WARS2: variants seen among roughly 807,000 people sequenced by gnomAD.
The protein encoded by WARS2 is tryptophan--tRNA ligase, mitochondrial.
WARS2 carries 28 observed loss-of-function variants against 36.5 expected under a neutral mutation model. The observed-to-expected ratio is 0.77, with a 90% confidence interval of 0.57 to 1.05. WARS2 has a LOEUF of 1.05. Ranked by LOEUF, WARS2 falls within the 50% of genes least tolerant of loss-of-function variation. The probability of loss-of-function intolerance (pLI) is 0.00; values close to 1 mark genes in which losing one functional copy is unlikely to be tolerated. For synonymous variants in WARS2, 174 were observed against 178.4 expected, an observed-to-expected ratio of 0.98 and a Z score of 0.20; for missense variants, 435 against 456.8, an observed-to-expected ratio of 0.95 and a Z score of 0.44.
At chr1:119,048,074 G>A (rs1210811892) in intron 2 of WARS2, among the ~76,000 whole-genome samples, 3 of 152,384 alleles carry the variant, frequency 2.0e-5, no homozygotes, top group Non-Finnish European at 2.9e-5. Flanking sequence ...GGACCATTAG[G>A]TTTGGCAACA....
At chr1:119,093,297 T>C (rs936327829) in intron 1 of WARS2, among the ~76,000 whole-genome samples, 1 of 152,000 alleles carries the variant, frequency 6.6e-6, no homozygotes, top group Non-Finnish European at 1.5e-5. Flanking sequence ...CTTTAGGATC[T>C]ATAATTTAAA....
intron 2 of WARS2, among the ~76,000 whole-genome samples, chr1:119,049,598 G>C (rs1432863209): frequency 6.6e-6 from 1 of 152,168 alleles, no homozygotes; most frequent in African/African-American, 2.4e-5. Context: ...ATATCTAACA[G>C]GTTCTCAAGC....
intron 1 of WARS2, among the ~76,000 whole-genome samples, chr1:119,079,879 C>T (rs1185883079): frequency 1.3e-5 from 2 of 152,094 alleles, no homozygotes; most frequent in Non-Finnish European, 2.9e-5. Flanking sequence ...CACTCAAAAT[C>T]ACAAACACAC....
chr1:119,036,805 G>C (rs1278314278), intron 4 of WARS2, among the ~76,000 whole-genome samples: 2 of 152,116 alleles, frequency 1.3e-5, no homozygotes, highest in Non-Finnish European at 1.5e-5. Flanking sequence ...AAACAAAAAG[G>C]ATTTAAAAAA....
intron 1 of WARS2, among the ~76,000 whole-genome samples, chr1:119,111,501 T>G (rs1311979329): frequency 6.6e-6 from 1 of 152,154 alleles, no homozygotes; most frequent in Non-Finnish European, 1.5e-5. Context: ...TCTGGTAAAA[T>G]AGTTTCCTCT....
intron 1 of WARS2, among the ~76,000 whole-genome samples, chr1:119,136,461 A>G (rs960546293): frequency 1.3e-5 from 2 of 152,230 alleles, no homozygotes; most frequent in African/African-American, 2.4e-5. Flanking sequence ...CTTTAAACAA[A>G]TAAGACTCAC....
chr1:119,035,311 T>C (rs1466306336), intron 4 of WARS2, among the ~76,000 whole-genome samples: 2 of 152,126 alleles, frequency 1.3e-5, no homozygotes, highest in African/African-American at 2.4e-5. Context: ...TGAGGTTTTT[T>C]TAATCAAAGA....
chr1:119,046,283 C>CA (rs1648814219), intron 2 of WARS2, among the ~76,000 whole-genome samples: 1 of 62,274 alleles, frequency 1.6e-5, no homozygotes, highest in South Asian at 6.2e-4. Flanking sequence ...TCCTCCTTTT[C>CA]TGTTTTTTTT....
chr1:119,116,948 G>A (rs1655012284), intron 1 of WARS2, among the ~76,000 whole-genome samples: 1 of 152,190 alleles, frequency 6.6e-6, no homozygotes, highest in Non-Finnish European at 1.5e-5. Flanking sequence ...AAACACAGAA[G>A]TCACAGCCAA....
chr1:119,041,456 G>A (rs1648360534), intron 4 of WARS2, among the ~76,000 whole-genome samples: 1 of 152,182 alleles, frequency 6.6e-6, no homozygotes, highest in Non-Finnish European at 1.5e-5. Flanking sequence ...AGTGGCAGCA[G>A]TAGCTGACTG....
chr1:119,122,897 G>A (rs1655417236), intron 1 of WARS2, among the ~76,000 whole-genome samples: 1 of 152,062 alleles, frequency 6.6e-6, no homozygotes, highest in Non-Finnish European at 1.5e-5. Context: ...TGGGTGTGAG[G>A]CGGGTGATGG....
chr1:119,132,254 T>G (rs1391132774), intron 1 of WARS2, among the ~76,000 whole-genome samples: 2 of 152,146 alleles, frequency 1.3e-5, no homozygotes, highest in Non-Finnish European at 2.9e-5. Context: ...TTCCTCTTAA[T>G]GAAGAGCCAG....
At chr1:119,095,148 A>G (rs1214171165) in intron 1 of WARS2, among the ~76,000 whole-genome samples, 1 of 152,170 alleles carries the variant, frequency 6.6e-6, no homozygotes, top group Non-Finnish European at 1.5e-5. Context: ...ACTAAGCTAT[A>G]TTATTCAAAA....
At chr1:119,099,708 C>T (rs1341881754) in intron 1 of WARS2, among the ~76,000 whole-genome samples, 1 of 152,170 alleles carries the variant, frequency 6.6e-6, no homozygotes, top group African/African-American at 2.4e-5. Context: ...GGAGAAGGGA[C>T]ATCCTCTTCA....
At chr1:119,111,955 T>C (rs1480769954) in intron 1 of WARS2, among the ~76,000 whole-genome samples, 1 of 152,066 alleles carries the variant, frequency 6.6e-6, no homozygotes, top group Non-Finnish European at 1.5e-5. Context: ...GGAGTTTTGA[T>C]CTTGTTGCCC....
chr1:119,082,227 G>T, intron 1 of WARS2: 1 of 975,406 alleles, frequency 1.0e-6, no homozygotes, highest in East Asian at 1.1e-4. Flanking sequence ...TTCAGTAAAA[G>T]AGTTTAAAAG....
Position 119,072,076 on chromosome 1 carries a change from A to T in WARS2, c.348+4274T>A, listed in dbSNP as rs1651365483. ...CTAGAACTCTGTATATAATGGGGTC[A>T]TGTGGCTAAGATAATAACTGTTTCC... is the stretch of plus-strand genomic sequence containing the variant. On this transcript the variant is annotated intron_variant, in intron 2 of 5. Transcript: ENST00000235521. 2.0e-5 allele frequency among the ~76,000 whole-genome samples: 3 copies of T among 152,368 alleles called. No homozygotes were observed. In the South Asian group the frequency reaches 6.2e-4, roughly 32 times the overall value.
At chr1:119,117,600 G>A (rs945914033) in intron 1 of WARS2, among the ~76,000 whole-genome samples, 5 of 152,184 alleles carry the variant, frequency 3.3e-5, no homozygotes, top group Non-Finnish European at 5.9e-5. Context: ...GTCTGTTCAC[G>A]TGACAACTTC....
At chr1:119,074,669 C>T (rs906169996) in intron 2 of WARS2, among the ~76,000 whole-genome samples, 4 of 152,120 alleles carry the variant, frequency 2.6e-5, no homozygotes, top group African/African-American at 9.7e-5. Flanking sequence ...ATTTTTTAAA[C>T]ATACAGTTGG....
Sources: allele counts gnomAD v4.1 joint callset (sites outside exome capture counted in the v4.1 genomes callset), GRCh38; gene constraint gnomAD v4.1.1; transcripts MANE v1.5; gene names NCBI Gene and HGNC (gene_info 2026-07-23, HGNC 2026-07-21).